PLEKHM3: variants seen among roughly 807,000 people sequenced by gnomAD.
PLEKHM3 encodes pleckstrin homology domain containing M3, also known as pleckstrin homology domain-containing family M member 3.
In PLEKHM3, 45 loss-of-function variants were observed where a neutral mutation model predicts 81.8. The ratio of observed to expected loss-of-function variants is 0.55; its 90% CI spans 0.43 to 0.71. PLEKHM3 has a LOEUF of 0.71. Ranked by LOEUF, PLEKHM3 falls within the 30% of genes least tolerant of loss-of-function variation. The pLI is 0.00. For missense variants in PLEKHM3, 788 were observed against 924.3 expected (o/e 0.85, Z 1.91); for synonymous variants, 352 against 356.4 (o/e 0.99, Z 0.14).
chr2:207,979,121 C>T (rs1187831545), intron 2 of PLEKHM3, among the ~76,000 whole-genome samples: 5 of 152,118 alleles, frequency 3.3e-5, no homozygotes, highest in South Asian at 4.1e-4. Flanking sequence ...TTCTCCCTTC[C>T]CCTCTGTTTT....
At chr2:207,907,154 C>T (rs1417592173) in intron 6 of PLEKHM3, among the ~76,000 whole-genome samples, 1 of 152,058 alleles carries the variant, frequency 6.6e-6, no homozygotes, top group African/African-American at 2.4e-5. Context: ...GAATTTAGGG[C>T]TGAATACACA....
chr2:207,876,610 A>C (rs571690538), intron 6 of PLEKHM3, among the ~76,000 whole-genome samples: 1 of 152,352 alleles, frequency 6.6e-6, no homozygotes, highest in South Asian at 2.1e-4. Context: ...GTCAATAGCC[A>C]TATCTAATAC....
intron 1 of PLEKHM3, among the ~76,000 whole-genome samples, chr2:208,022,899 A>G (rs543733522): frequency 6.6e-6 from 1 of 152,202 alleles, no homozygotes; most frequent in Non-Finnish European, 1.5e-5. Flanking sequence ...TGCCTGCCAC[A>G]GTCTTAGGTG....
intron 3 of PLEKHM3, among the ~76,000 whole-genome samples, chr2:207,958,401 C>G (rs1451966636): frequency 6.6e-6 from 1 of 152,160 alleles, no homozygotes; most frequent in Non-Finnish European, 1.5e-5. Flanking sequence ...GACATGAAAG[C>G]TGGTAGTGGT....
chr2:208,001,716 G>A lies in PLEKHM3; in HGVS notation c.-77C>T. 6.5e-7 allele frequency: 1 copy of A among 1,530,006 alleles called. No homozygotes were observed. The allele number at this position is 1,530,006 out of a possible 1,614,324, so 94.8% of individuals were successfully genotyped here. A position where few individuals can be genotyped will look rare whatever the true frequency, so the allele number is the denominator to read the frequency against. On this transcript the variant is annotated 5_prime_UTR_variant, in exon 2 of 8. Coordinates refer to ENST00000427836, the MANE Select transcript of PLEKHM3 (RefSeq NM_001080475.3). The stretch of plus-strand genomic sequence containing the variant: ...TCATGAACATTCACCCAACCAAGAG[G>A]GGTGCTTCAGCAATAGAGCTATGGA...
intron 5 of PLEKHM3, among the ~76,000 whole-genome samples, chr2:207,923,880 C>CACACACATATATATATAT (rs1319162543): frequency 3.2e-4 from 18 of 56,778 alleles, no homozygotes; most frequent in South Asian, 5.9e-4. Flanking sequence ...CACACACACA[C>CACACACATATATATATAT]ATATATATAT....
intron 7 of PLEKHM3, among the ~76,000 whole-genome samples, chr2:207,850,978 C>A (rs927109589): frequency 1.3e-5 from 2 of 151,952 alleles, no homozygotes; most frequent in African/African-American, 2.4e-5. Flanking sequence ...CACGATGAAA[C>A]CCCATCTCTA....
chr2:207,844,234 C>T (rs771831904), intron 7 of PLEKHM3, among the ~76,000 whole-genome samples: 1 of 151,440 alleles, frequency 6.6e-6, no homozygotes, highest in Non-Finnish European at 1.5e-5. Context: ...GTCTTTGAAT[C>T]AGGTTCATTA....
chr2:208,012,146 A>G (rs1692719476), intron 1 of PLEKHM3, among the ~76,000 whole-genome samples: 1 of 151,514 alleles, frequency 6.6e-6, no homozygotes, highest in South Asian at 2.1e-4. Flanking sequence ...GGTTCACACC[A>G]TTCTCCTGCC....
intron 7 of PLEKHM3, among the ~76,000 whole-genome samples, chr2:207,839,996 C>G (rs2092341129): frequency 6.6e-6 from 1 of 152,192 alleles, no homozygotes; most frequent in South Asian, 2.1e-4. Flanking sequence ...ATCATAAACT[C>G]TGGGCTGGGG....
At position 207,963,385 on chromosome 2, in the gene PLEKHM3, G is replaced by A. The variant is rs1209621929; in HGVS notation, c.1546+13266C>T. ...GTGGGCAGGGTCATTAAGGATGCTG[G>A]TCTTCATTCCAAAAGAAGTGGGAAG... is the stretch of plus-strand genomic sequence containing the variant. On this transcript the variant is annotated intron_variant, in intron 3 of 7. Coordinates refer to ENST00000427836, the MANE Select transcript of PLEKHM3 (RefSeq NM_001080475.3). Among the ~76,000 whole-genome samples the A allele has an allele frequency of 2.0e-5, 3 of 152,160 alleles. No homozygotes were observed. The East Asian group carries it at 5.8e-4, about 29-fold the overall frequency.
In PLEKHM3 at chr2:207,826,529, T is replaced by C. The variant is rs958473748; in HGVS notation, c.*1790A>G. 1 of 152,216 alleles carries C rather than the reference T, an allele frequency of 6.6e-6. No homozygotes were observed. The highest frequency in any genetic ancestry group is 1.5e-5 in the Non-Finnish European group (1 of 68,054). The allele number at this position is 152,216 out of a possible 1,614,324, so 9.4% of individuals were successfully genotyped here. A position where few individuals can be genotyped will look rare whatever the true frequency, so the allele number is the denominator to read the frequency against. Reference sequence around the variant, plus strand: ...GGCTACTGTATAGTCAGAAAATAAATGCATGTATGGTGTTGAGCTATTAAG... The same window carrying C: ...GGCTACTGTATAGTCAGAAAATAAACGCATGTATGGTGTTGAGCTATTAAG... On this transcript the variant is annotated 3_prime_UTR_variant, in exon 8 of 8. Coordinates refer to ENST00000427836, the MANE Select transcript of PLEKHM3 (RefSeq NM_001080475.3).
intron 4 of PLEKHM3, among the ~76,000 whole-genome samples, chr2:207,937,619 A>T (rs1210022842): frequency 6.6e-6 from 1 of 152,090 alleles, no homozygotes; most frequent in Non-Finnish European, 1.5e-5. Flanking sequence ...AACTTTTAAT[A>T]TACATTTTCT....
chr2:207,967,562 T>C (rs1260310231), intron 3 of PLEKHM3, among the ~76,000 whole-genome samples: 2 of 152,260 alleles, frequency 1.3e-5, no homozygotes, highest in Admixed American at 1.3e-4. Context: ...GCTGCAAATT[T>C]GATAAGTATG....
intron 4 of PLEKHM3, among the ~76,000 whole-genome samples, chr2:207,938,067 A>G (rs2105953036): frequency 6.6e-6 from 1 of 152,356 alleles, no homozygotes; most frequent in African/African-American, 2.4e-5. Context: ...TAACATGGAA[A>G]ACCCCTAGCT....
intron 3 of PLEKHM3, among the ~76,000 whole-genome samples, chr2:207,952,440 T>C (rs1690359210): frequency 6.6e-6 from 1 of 152,210 alleles, no homozygotes; most frequent in South Asian, 2.1e-4. Flanking sequence ...ACATGCAGGT[T>C]CAAGGACTTG....
intron 6 of PLEKHM3, among the ~76,000 whole-genome samples, chr2:207,881,776 TC>T (rs1179708879): frequency 6.6e-6 from 1 of 152,164 alleles, no homozygotes; most frequent in African/African-American, 2.4e-5. Context: ...CAATTTCCCT[TC>T]CCTTTCTCCT....
At chr2:207,928,427 T>G (rs1689478903) in intron 5 of PLEKHM3, among the ~76,000 whole-genome samples, 1 of 152,244 alleles carries the variant, frequency 6.6e-6, no homozygotes, top group African/African-American at 2.4e-5. Context: ...AGTGGAATAT[T>G]TTATCAAATA....
intron 1 of PLEKHM3, among the ~76,000 whole-genome samples, chr2:208,020,331 C>A (rs376797990): frequency 6.6e-6 from 1 of 152,142 alleles, no homozygotes; most frequent in African/African-American, 2.4e-5. Context: ...AATGAGTGTA[C>A]GAAAACAAAC....
Sources: allele counts gnomAD v4.1 joint callset (sites outside exome capture counted in the v4.1 genomes callset), GRCh38; gene constraint gnomAD v4.1.1; transcripts MANE v1.5; gene names NCBI Gene and HGNC (gene_info 2026-07-23, HGNC 2026-07-21).